PCLO: variants seen among roughly 807,000 people sequenced by gnomAD.
The protein encoded by PCLO is protein piccolo.
PCLO carries 82 observed loss-of-function variants against 427.5 expected under a neutral mutation model. The observed-to-expected ratio is 0.19, with a 90% CI of 0.16 to 0.23. PCLO has a LOEUF of 0.23. PCLO is among the 10% of genes least tolerant of loss of function. The pLI is 1.00. For missense variants in PCLO, 6,239 were observed against 6,115.9 expected, an observed-to-expected ratio of 1.02 and a Z score of -0.67; for synonymous variants, 2,357 against 2,155.4, an observed-to-expected ratio of 1.09 and a Z score of -2.59.
chr7:83,036,109 A>C (rs1788787765), intron 3 of PCLO, among the ~76,000 whole-genome samples: 1 of 152,132 alleles, frequency 6.6e-6, no homozygotes. Flanking sequence ...AGATTTGTTA[A>C]CTGTTAAATC....
chr7:82,781,175 A>C (rs2129468116), intron 22 of PCLO, among the ~76,000 whole-genome samples: 1 of 149,358 alleles, frequency 6.7e-6, no homozygotes, highest in South Asian at 2.1e-4. Flanking sequence ...AATTTATAAA[A>C]ATTCTTCATT....
At chr7:82,758,820 A>G (rs1396545937) in intron 24 of PCLO, 105 bp from the exon 25 acceptor site, 2 of 650,722 alleles carry the variant, frequency 3.1e-6, no homozygotes, top group East Asian at 2.8e-5. Flanking sequence ...ACATAGCACG[A>G]AAGAGGGTGA....
At chr7:82,939,662 G>A in intron 6 of PCLO, among the ~76,000 whole-genome samples, 1 of 137,632 alleles carries the variant, frequency 7.3e-6, no homozygotes, top group East Asian at 2.0e-4. Flanking sequence ...TATATATATA[G>A]AGAGAGAGAG....
chr7:82,908,922 C>T lies in PCLO; in HGVS notation c.13392G>A (p.Pro4464=), dbSNP rs78925303. The T allele has an allele frequency of 5.9e-4, 950 of 1,612,778 alleles. 9 individuals carry two copies. In the East Asian group the frequency reaches 0.013, roughly 21 times the overall value. ...ENGHGLDRKL[P]ERLVHSRPLS... is the part of the protein sequence containing the mutation. Reference sequence around the variant, plus strand: ...GTGGTCTAGAGTGGACCAATCTTTCCGGCAGTTTTCGGTCCAGACCATGTC... The same window carrying T: ...GTGGTCTAGAGTGGACCAATCTTTCTGGCAGTTTTCGGTCCAGACCATGTC... The change falls in exon 8 of 25, where the codon CCG becomes CCA. Residue 4464 remains proline, a synonymous_variant. Transcript: ENST00000333891.
intron 20 of PCLO, among the ~76,000 whole-genome samples, chr7:82,819,489 A>AAGC (rs1791745542): frequency 1.9e-5 from 2 of 102,810 alleles, no homozygotes; most frequent in African/African-American, 7.1e-5. Context: ...ATATTTAAAG[A>AAGC]ACGTGAATAA....
rs1219826369 is a variant in PCLO at position 82,826,665 on chromosome 7, A to G, written c.14344-5T>C. 2.6e-6 allele frequency: 4 copies of G among 1,554,192 alleles called. No individual in the cohort carries two copies. The highest frequency in any genetic ancestry group is 1.2e-5 in the South Asian group (1 of 85,452). ...CTCCAGTGTTTTCTTCTTGAGCTAT[A>G]TAGTTCAAATAGAAATCTAATTAAA... On this transcript the variant is annotated splice_polypyrimidine_tract_variant and splice_region_variant and intron_variant, in intron 17 of 24. Transcript: ENST00000333891.
intron 3 of PCLO, among the ~76,000 whole-genome samples, chr7:83,114,690 T>C (rs1303853811): frequency 6.6e-6 from 1 of 152,136 alleles, no homozygotes; most frequent in Admixed American, 6.6e-5. Context: ...TAGTTTTTAT[T>C]ATTCATCCAT....
intron 3 of PCLO, among the ~76,000 whole-genome samples, chr7:83,118,455 G>A (rs2116550939): frequency 6.6e-6 from 1 of 152,168 alleles, no homozygotes; most frequent in Admixed American, 6.5e-5. Flanking sequence ...AGGGTAGAAA[G>A]GACAGTCTTG....
At chr7:82,901,052 CTT>C (rs1794025862) in intron 9 of PCLO, among the ~76,000 whole-genome samples, 1 of 151,744 alleles carries the variant, frequency 6.6e-6, no homozygotes. Context: ...ATAAGAATGT[CTT>C]ATATTCCTAC....
intron 3 of PCLO, among the ~76,000 whole-genome samples, chr7:83,057,297 G>T (rs1295891497): frequency 2.9e-5 from 3 of 105,062 alleles, no homozygotes; most frequent in African/African-American, 3.6e-5. Flanking sequence ...CCATCTGAAG[G>T]AAAATAATCA....
intron 6 of PCLO, among the ~76,000 whole-genome samples, chr7:82,935,717 C>T (rs764183582): frequency 3.3e-5 from 5 of 151,500 alleles, no homozygotes; most frequent in East Asian, 1.9e-4. Flanking sequence ...ACGATCACGG[C>T]GTGAAACTTC....
intron 6 of PCLO, among the ~76,000 whole-genome samples, chr7:82,930,128 C>T (rs528987295): frequency 2.0e-4 from 30 of 152,254 alleles, no homozygotes; most frequent in African/African-American, 6.0e-4. Flanking sequence ...TATAAGGCAT[C>T]TAGGAGACAA....
At chr7:82,876,552 A>G (rs1793378473) in intron 10 of PCLO, among the ~76,000 whole-genome samples, 1 of 151,896 alleles carries the variant, frequency 6.6e-6, no homozygotes, top group Admixed American at 6.6e-5. Context: ...GTGAATACCC[A>G]TTTGAACTTG....
chr7:82,780,075 C>G (rs1790840577), intron 22 of PCLO, among the ~76,000 whole-genome samples: 1 of 152,114 alleles, frequency 6.6e-6, no homozygotes, highest in Admixed American at 6.6e-5. Context: ...AAAAGTTCAG[C>G]TAATATGCTG....
intron 3 of PCLO, among the ~76,000 whole-genome samples, chr7:83,025,669 G>A (rs1788474968): frequency 1.3e-5 from 2 of 151,022 alleles, no homozygotes; most frequent in Admixed American, 6.6e-5. Context: ...CACCAAAGTT[G>A]AAATGAAGGA....
intron 22 of PCLO, among the ~76,000 whole-genome samples, chr7:82,769,032 G>A (rs1790591037): frequency 6.6e-6 from 1 of 152,134 alleles, no homozygotes; most frequent in Admixed American, 6.6e-5. Context: ...GGCCCTGGCT[G>A]AACTTTAATC....
intron 3 of PCLO, among the ~76,000 whole-genome samples, chr7:83,093,492 A>ATAT: frequency 6.7e-5 from 4 of 59,322 alleles, no homozygotes; most frequent in African/African-American, 2.2e-4. Context: ...ATATATATAT[A>ATAT]TTTTTTTTTT....
intron 3 of PCLO, among the ~76,000 whole-genome samples, chr7:83,002,343 A>G (rs1787844314): frequency 6.6e-6 from 1 of 151,968 alleles, no homozygotes. Flanking sequence ...TTTTCAATGT[A>G]ATAATTTTAT....
chr7:82,942,346 T>C (rs1258370181), intron 6 of PCLO, among the ~76,000 whole-genome samples: 1 of 152,220 alleles, frequency 6.6e-6, no homozygotes, highest in African/African-American at 2.4e-5. Flanking sequence ...TTTTACGCTT[T>C]TGGCAGAAGT....
Sources: allele counts gnomAD v4.1 joint callset (sites outside exome capture counted in the v4.1 genomes callset), GRCh38; gene constraint gnomAD v4.1.1; transcripts MANE v1.5; gene names NCBI Gene and HGNC (gene_info 2026-07-23, HGNC 2026-07-21).